ZNF268: variants seen among roughly 807,000 people sequenced by gnomAD.
ZNF268 encodes the protein zinc finger protein 3.
In ZNF268, 20 loss-of-function variants were observed where a neutral mutation model predicts 29.3. The ratio of observed to expected loss-of-function variants is 0.68; its 90% CI spans 0.48 to 0.99. The LOEUF is 0.99. Ranked by LOEUF, ZNF268 falls within the 50% of genes least tolerant of loss-of-function variation. The pLI, the probability that ZNF268 is intolerant of heterozygous loss-of-function variation, is 0.00. For synonymous variants in ZNF268, 429 were observed against 376.9 expected (o/e 1.14, Z -1.60); for missense variants, 1,240 against 1,121.6 (o/e 1.11, Z -1.51).
rs1956776000 is a variant in ZNF268 at position 133,202,415 on chromosome 12, T to C, written c.729T>C (p.Val243=). 6.2e-7 allele frequency: 1 copy of C among 1,610,836 alleles called. No homozygotes were observed. The highest frequency in any genetic ancestry group is 8.5e-7 in the Non-Finnish European group (1 of 1,178,356). Residue 243 remains valine, a synonymous_variant, in exon 6 of 6, where the codon GTT becomes GTC. Coordinates refer to ENST00000536435, the MANE Select transcript of ZNF268 (RefSeq NM_003415.3). ...TCCATTCTAAACATGAGCAAACTGT[T>C]ATTGGAATAAAATACTGTGAAAGTA... ...SFFHSKHEQT[V]IGIKYCESIE...
At chr12:133,190,735 G>A (rs891863813) in intron 3 of ZNF268, among the ~76,000 whole-genome samples, 1 of 152,104 alleles carries the variant, frequency 6.6e-6, no homozygotes, top group African/African-American at 2.4e-5. Context: ...AAATAGCATT[G>A]CTTCCTTCTT....
intron 2 of ZNF268, among the ~76,000 whole-genome samples, chr12:133,184,193 C>T (rs1956249998): frequency 6.6e-6 from 1 of 151,800 alleles, no homozygotes. Context: ...GCAACCTCTG[C>T]CTCCCGGGTT....
Position 133,204,847 on chromosome 12 carries a change from G to C in ZNF268, c.*317G>C, listed in dbSNP as rs1035268054. On this transcript the variant is annotated 3_prime_UTR_variant, in exon 6 of 6. Transcript: ENST00000536435. ...TTGTAAAGTCATTTTACTAAAATAA[G>C]ATTCACAAAGAGGAAACTTCATGAA... 9.1e-6 allele frequency: 2 copies of C among 219,870 alleles called. No individual in the cohort carries two copies. The highest frequency in any genetic ancestry group is 1.8e-5 in the Non-Finnish European group (2 of 112,806). The allele number at this position is 219,870 out of a possible 1,614,324, so 13.6% of individuals were successfully genotyped here. A position where few individuals can be genotyped will look rare whatever the true frequency, so the allele number is the denominator to read the frequency against.
At chr12:133,191,877 TC>T (rs750423435) in intron 4 of ZNF268, 30 bp from the exon 5 acceptor site, 10 of 1,603,620 alleles carry the variant, frequency 6.2e-6, no homozygotes, top group Non-Finnish European at 8.5e-6. Context: ...AGCTGTTTGT[TC>T]CAGGTTGTCT....
Position 133,187,879 on chromosome 12 carries a change from C to A in ZNF268, c.41C>A (p.Pro14His), listed in dbSNP as rs763033102. The A allele has an allele frequency of 3.1e-6, 5 of 1,592,226 alleles. No homozygotes were observed. In the South Asian group the frequency reaches 5.7e-5, roughly 18 times the overall value. The change falls in exon 3 of 6, where the codon CCT (proline) becomes CAT (histidine). Residue 14 changes from proline to histidine, a missense_variant. This residue lies in a region of ZNF268 where 51 missense variants were observed against 51.4 expected (regional missense o/e 0.99). Transcript: ENST00000536435. Reference sequence around the variant, plus strand: ...TTGCTCTTGAGTCCACAGGTCCCACCTCTCCAAGAACGAAACAGTTCATGG... The same window carrying A: ...TTGCTCTTGAGTCCACAGGTCCCACATCTCCAAGAACGAAACAGTTCATGG... ...RVRTASIWVPPLQERNSSWDR... is the reference protein window; with the variant it reads ...RVRTASIWVPHLQERNSSWDR...
rs771680209 is a variant in ZNF268 at position 133,204,520 on chromosome 12, A to G, written c.2834A>G (p.Asp945Gly). The G allele has an allele frequency of 1.7e-5, 26 of 1,499,146 alleles. No individual in the cohort carries two copies. The highest frequency in any genetic ancestry group is 2.8e-5 in the African/African-American group (2 of 71,034). 92.9% of individuals were successfully genotyped at this position (1,499,146 alleles called of 1,614,324 possible). ...ATGCATCAGAGAACTCATGTAGATG[A>G]CAAACATTGATAATTTTACGAAACT... ...LIMHQRTHVD[D>G]KH Residue 945 changes from aspartate (D) to glycine (G), a missense_variant, in exon 6 of 6, where the codon GAC (aspartate) becomes GGC (glycine). By Grantham distance (94) the Asp-to-Gly change is moderately conservative. Around this residue, in one of 3 missense-constraint regions of ZNF268, gnomAD observed 1,177 missense variants for 1,039.6 expected, o/e 1.13. Transcript: ENST00000536435.
At position 133,189,679 on chromosome 12, in the gene ZNF268, C is replaced by T. The variant is rs79511821; in HGVS notation, c.234+1607C>T. Reference sequence around the variant, plus strand: ...TCTTCATAAACAGTCGTGTCATCTTCATCTTTTCGTTGGCATCCTCAGTTT... The same window carrying T: ...TCTTCATAAACAGTCGTGTCATCTTTATCTTTTCGTTGGCATCCTCAGTTT... On this transcript the variant is annotated intron_variant, in intron 3 of 5. Transcript: ENST00000536435. Among the ~76,000 whole-genome samples, 1,127 of 152,316 alleles carry T rather than the reference C, an allele frequency of 7.4e-3. 12 individuals are homozygous for T. Among genetic ancestry groups the T allele is most frequent in the African/African-American group, 0.026 (1,073 of 41,570 alleles).
chr12:133,207,815 A>G lies in ZNF268; in HGVS notation c.*3285A>G, dbSNP rs1444926035. On this transcript the variant is annotated 3_prime_UTR_variant, in exon 6 of 6. Transcript: ENST00000536435. Reference sequence around the variant, plus strand: ...AGAACTAGACCCTGTCTCAAAAAACAGAAGAGTATGTTTGGAAGATTTAAT... The same window carrying G: ...AGAACTAGACCCTGTCTCAAAAAACGGAAGAGTATGTTTGGAAGATTTAAT... 1 of 152,044 alleles carries G rather than the reference A, an allele frequency of 6.6e-6. No homozygotes were observed. The highest frequency in any genetic ancestry group is 2.4e-5 in the African/African-American group (1 of 41,438). The allele number at this position is 152,044 out of a possible 1,614,324, so 9.4% of individuals were successfully genotyped here.
chr12:133,191,645 G>A lies in ZNF268; in HGVS notation c.361+30G>A, dbSNP rs1202554450. ...GTGCTGCCTCCCTGAGGAGGAGTGTGCTCGATCTCCAGGCTTCTTCTTGGT... is the reference window on the plus strand; with the variant it reads ...GTGCTGCCTCCCTGAGGAGGAGTGTACTCGATCTCCAGGCTTCTTCTTGGT... On this transcript the variant is annotated intron_variant, in intron 4 of 5. Transcript: ENST00000536435. The A allele has an allele frequency of 2.5e-6, 4 of 1,609,490 alleles. No individual in the cohort carries two copies. The African/African-American group carries it at 5.3e-5, about 22-fold the overall frequency.
intron 3 of ZNF268, 102 bp downstream of exon 3, chr12:133,188,174 C>A: frequency 9.1e-7 from 1 of 1,093,790 alleles, no homozygotes; most frequent in Non-Finnish European, 1.3e-6. Flanking sequence ...TTAAGTTAAT[C>A]ACTCCTCAGT....
At position 133,208,041 on chromosome 12, in the gene ZNF268, G is replaced by A. The variant is rs1410874330; in HGVS notation, c.*3511G>A. ...TGTCATACTTAATGATAAAATAGTA[G>A]AAAGATTCCTTTAAAGTAAAATTAG... On this transcript the variant is annotated 3_prime_UTR_variant, in exon 6 of 6. Coordinates refer to ENST00000536435, the MANE Select transcript of ZNF268 (RefSeq NM_003415.3). 6.6e-6 allele frequency: 1 copy of A among 152,100 alleles called. No homozygotes were observed. The highest frequency in any genetic ancestry group is 1.5e-5 in the Non-Finnish European group (1 of 68,018). The allele number at this position is 152,100 out of a possible 1,614,324, so 9.4% of individuals were successfully genotyped here.
At chr12:133,193,579 A>G (rs1395221145) in intron 5 of ZNF268, 3 of 613,088 alleles carry the variant, frequency 4.9e-6, no homozygotes, top group Admixed American at 5.5e-5. Context: ...AAGGCCTAAG[A>G]TCATTCCCTC....
In ZNF268 at chr12:133,187,776, A is replaced by G. The variant is rs572944456; in HGVS notation, c.34-96A>G. The G allele has an allele frequency of 2.5e-6, 3 of 1,224,476 alleles. No homozygotes were observed. In the East Asian group the frequency reaches 7.7e-5, roughly 31 times the overall value. The allele number at this position is 1,224,476 out of a possible 1,614,324, so 75.9% of individuals were successfully genotyped here. On this transcript the variant is annotated intron_variant, in intron 2 of 5. Coordinates refer to ENST00000536435, the MANE Select transcript of ZNF268 (RefSeq NM_003415.3). ...TGAAGTTAAACCTGCCTTGTTTTCT[A>G]ACGTGTTTCTCTCACATTTATGTGA...
rs1269222036 is a variant in ZNF268 at position 133,210,870 on chromosome 12, G to A, written c.*6340G>A. The stretch of plus-strand genomic sequence containing the variant: ...GTACTGCAAGCAGGCTAGACAAGGT[G>A]TGTGCTTGCACCCCTTCCTTACTAC... On this transcript the variant is annotated 3_prime_UTR_variant, in exon 6 of 6. Transcript: ENST00000536435. 2.2e-6 allele frequency: 1 copy of A among 456,042 alleles called. No individual in the cohort carries two copies. Among genetic ancestry groups the A allele is most frequent in the South Asian group, 1.5e-5 (1 of 64,566 alleles). The allele number at this position is 456,042 out of a possible 1,614,324, so 28.2% of individuals were successfully genotyped here. A position where few individuals can be genotyped will look rare whatever the true frequency, so the allele number is the denominator to read the frequency against.
Position 133,182,001 on chromosome 12 carries a change from G to A in ZNF268, c.4G>A (p.Ala2Thr), listed in dbSNP as rs1019065771. The A allele has an allele frequency of 1.6e-5, 25 of 1,565,850 alleles. No individual in the cohort carries two copies. The Middle Eastern group carries it at 5.0e-4, about 31-fold the overall frequency. Residue 2 changes from alanine to threonine, a missense_variant, in exon 2 of 6, where the codon GCC becomes ACC. Transcript: ENST00000536435. M[A>T]TRVRTASIWV... is the part of the protein sequence containing the mutation. The stretch of plus-strand genomic sequence containing the variant: ...GCACACAAAACTGACCGTAGGGATG[G>A]CCACCAGGGTCCGGACAGCTTCTAT...
Position 133,212,526 on chromosome 12 carries a change from TATATACACATATATATACAC to T in ZNF268, c.*8022_*8041del, listed in dbSNP as rs1351378290. ...ATATATACACACACACATACACACA[TATATACACATATATATACAC>T]ATATACACATATATATACACATATA... On this transcript the variant is annotated 3_prime_UTR_variant, in exon 6 of 6. Transcript: ENST00000536435. 9.3e-5 allele frequency: 13 copies of T among 139,780 alleles called. No individual in the cohort carries two copies. The highest frequency in any genetic ancestry group is 1.7e-4 in the Non-Finnish European group (11 of 65,976). The allele number at this position is 139,780 out of a possible 1,614,324, so 8.7% of individuals were successfully genotyped here.
chr12:133,211,330 C>G lies in ZNF268; in HGVS notation c.*6800C>G. On this transcript the variant is annotated 3_prime_UTR_variant, in exon 6 of 6. Coordinates refer to ENST00000536435, the MANE Select transcript of ZNF268 (RefSeq NM_003415.3). ...GGCACGGTGGCTCACGCCTGTAATC[C>G]CAGCACTTTGGGAGGCCGAGGCGGG... The G allele has an allele frequency of 3.1e-6, 1 of 321,182 alleles. No homozygotes were observed. Among genetic ancestry groups the G allele is most frequent in the Non-Finnish European group, 6.1e-6 (1 of 164,300 alleles). The allele number at this position is 321,182 out of a possible 1,614,324, so 19.9% of individuals were successfully genotyped here. A position where few individuals can be genotyped will look rare whatever the true frequency, so the allele number is the denominator to read the frequency against.
At position 133,205,667 on chromosome 12, in the gene ZNF268, G is replaced by C. The variant is rs1339783123; in HGVS notation, c.*1137G>C. On this transcript the variant is annotated 3_prime_UTR_variant, in exon 6 of 6. Coordinates refer to ENST00000536435, the MANE Select transcript of ZNF268 (RefSeq NM_003415.3). The stretch of plus-strand genomic sequence containing the variant: ...TTTTTAGGGCTATCTTCTGCCCTTT[G>C]GAAGCAGTCTTGGCAGCAACCTCTT... The C allele has an allele frequency of 3.3e-5, 5 of 152,178 alleles. No individual in the cohort carries two copies. The highest frequency in any genetic ancestry group is 2.1e-4 in the South Asian group (1 of 4,832). 9.4% of individuals were successfully genotyped at this position (152,178 alleles called of 1,614,324 possible).
Position 133,203,842 on chromosome 12 carries a change from C to G in ZNF268, c.2156C>G (p.Thr719Arg). ...CTTATTATACATATGAGAACTCATA[C>G]AGGAGAGAAACCACATGAGTGCAGG... ...SYLIIHMRTH[T>R]GEKPHECREC... Residue 719 changes from threonine to arginine, a missense_variant, in exon 6 of 6, where the codon ACA (threonine) becomes AGA (arginine). Coordinates refer to ENST00000536435, the MANE Select transcript of ZNF268 (RefSeq NM_003415.3). The G allele has an allele frequency of 6.4e-7, 1 of 1,565,074 alleles. No individual in the cohort carries two copies. The highest frequency in any genetic ancestry group is 8.6e-7 in the Non-Finnish European group (1 of 1,161,104).
Sources: gnomAD v4.1 joint callset for allele counts (sites outside exome capture counted in the v4.1 genomes callset) on GRCh38, gnomAD v4.1.1 for gene constraint, gnomAD v4.1.1 regional missense constraint, MANE v1.5 for transcripts, NCBI Gene and HGNC (gene_info 2026-07-23, HGNC 2026-07-21) for gene names.